Variants in MMP16 observed in about 807,000 individuals in gnomAD.
MMP16 encodes matrix metallopeptidase 16.
MMP16 carries 12 observed loss-of-function variants against 67.8 expected under a neutral mutation model. That is an observed-to-expected ratio of 0.18 (90% CI 0.11 to 0.29). The LOEUF (loss-of-function observed/expected upper bound fraction) is 0.29. Among genes scored for constraint, MMP16 ranks in the 10% least tolerant of loss-of-function variants. MMP16 has a pLI of 1.00. For missense variants in MMP16, 475 were observed against 765.7 expected, an observed-to-expected ratio of 0.62 and a Z score of 4.48; for synonymous variants, 249 against 255.9, an observed-to-expected ratio of 0.97 and a Z score of 0.26.
intron 1 of MMP16, among the ~76,000 whole-genome samples, chr8:88,262,108 C>T (rs981804804): frequency 6.6e-6 from 1 of 152,090 alleles, no homozygotes; most frequent in South Asian, 2.1e-4. Flanking sequence ...GATATTTGAA[C>T]CTTAGTCAAT....
intron 1 of MMP16, among the ~76,000 whole-genome samples, chr8:88,314,669 G>A (rs1340360795): frequency 6.6e-6 from 1 of 152,148 alleles, no homozygotes; most frequent in African/African-American, 2.4e-5. Context: ...TATCCAGTCT[G>A]GCTGAAGGGA....
At chr8:88,286,176 C>T (rs919339484) in intron 1 of MMP16, among the ~76,000 whole-genome samples, 5 of 152,172 alleles carry the variant, frequency 3.3e-5, no homozygotes, top group Admixed American at 6.5e-5. Flanking sequence ...TGCACTACAT[C>T]GTCTATTTTC....
chr8:88,256,798 A>G (rs1810309900), intron 1 of MMP16, among the ~76,000 whole-genome samples: 1 of 152,038 alleles, frequency 6.6e-6, no homozygotes, highest in Admixed American at 6.6e-5. Flanking sequence ...ACAAATGTCC[A>G]CATTTTATGA....
chr8:88,049,008 G>A (rs1586122426), intron 8 of MMP16, among the ~76,000 whole-genome samples: 2 of 152,056 alleles, frequency 1.3e-5, no homozygotes, highest in Non-Finnish European at 2.9e-5. Flanking sequence ...CATCTTCAAC[G>A]TGCACATAGA....
chr8:88,123,528 G>C (rs1807876529), intron 4 of MMP16, among the ~76,000 whole-genome samples: 1 of 151,886 alleles, frequency 6.6e-6, no homozygotes, highest in South Asian at 2.1e-4. Context: ...TCCTGCCAGA[G>C]AACCAGAGAA....
intron 6 of MMP16, among the ~76,000 whole-genome samples, chr8:88,094,596 A>C (rs1179492678): frequency 6.6e-6 from 1 of 151,526 alleles, no homozygotes; most frequent in Admixed American, 6.6e-5. Flanking sequence ...TTATATTTAT[A>C]GTTTATAAAA....
At position 88,034,238 on chromosome 8, in the gene MMP16, T is replaced by TA. The variant is rs34562051; in HGVS notation, c.*7222dup. 0.049 allele frequency: 5,791 copies of TA among 117,320 alleles called. 119 individuals carry two copies. Among genetic ancestry groups the TA allele is most frequent in the African/African-American group, 0.068 (2,231 of 32,628 alleles). The allele number at this position is 117,320 out of a possible 1,614,324, so 7.3% of individuals were successfully genotyped here. ...AAGGGAAGGGAAAACCAAATCTGTGTAAAAAAAAAAAAAAAAGGCAAGATA... is the reference window on the plus strand; with the variant it reads ...AAGGGAAGGGAAAACCAAATCTGTGTAAAAAAAAAAAAAAAAAGGCAAGATA... On this transcript the variant is annotated 3_prime_UTR_variant, in exon 10 of 10. Coordinates refer to ENST00000286614, the MANE Select transcript of MMP16 (RefSeq NM_005941.5).
chr8:88,143,960 G>A (rs1253652896), intron 4 of MMP16, among the ~76,000 whole-genome samples: 13 of 151,864 alleles, frequency 8.6e-5, no homozygotes, highest in Non-Finnish European at 1.5e-5. Context: ...TAAGAGAAAT[G>A]TACATTTCTC....
intron 1 of MMP16, among the ~76,000 whole-genome samples, chr8:88,221,005 A>G (rs1227509186): frequency 1.3e-5 from 2 of 152,146 alleles, no homozygotes; most frequent in Non-Finnish European, 2.9e-5. Flanking sequence ...CTATGTACCC[A>G]GGTGACTATC....
At position 88,058,331 on chromosome 8, in the gene MMP16, A is replaced by G. The variant is rs1213454117; in HGVS notation, c.1223-2053T>C. Among the ~76,000 whole-genome samples, 2 of 152,138 alleles carry G rather than the reference A, an allele frequency of 1.3e-5. No homozygotes were observed. The highest frequency in any genetic ancestry group is 2.9e-5 in the Non-Finnish European group (2 of 68,014). On this transcript the variant is annotated intron_variant, in intron 7 of 9. Coordinates refer to ENST00000286614, the MANE Select transcript of MMP16 (RefSeq NM_005941.5). This position sits in a 1 kb window ranked among gnomAD's most constrained non-coding sequence, Gnocchi z 4.2. The stretch of plus-strand genomic sequence containing the variant: ...TTATAAAGGGAAGAATGAAAATAAG[A>G]TGACCCATCAAGAGTCTTTGGCAAG...
rs116912383 is a variant in MMP16 at position 88,156,918 on chromosome 8, T to C, written c.709+10751A>G. Among the ~76,000 whole-genome samples, 1,193 of 152,248 alleles carry C rather than the reference T, an allele frequency of 7.8e-3. 17 individuals are homozygous for C. Among genetic ancestry groups the C allele is most frequent in the Middle Eastern group, 0.075 (22 of 294 alleles). ...AGGGCAAAATATGTATGAATTATGA[T>C]TAAGCAACTTACCAAGAGATTCAAT... On this transcript the variant is annotated intron_variant, in intron 4 of 9. Transcript: ENST00000286614.
rs1369681008 is a variant in MMP16 at position 88,034,541 on chromosome 8, A to T, written c.*6920T>A. 6.6e-6 allele frequency: 1 copy of T among 152,328 alleles called. No individual in the cohort carries two copies. Among genetic ancestry groups the T allele is most frequent in the Non-Finnish European group, 1.5e-5 (1 of 67,942 alleles). The allele number at this position is 152,328 out of a possible 1,614,324, so 9.4% of individuals were successfully genotyped here. On this transcript the variant is annotated 3_prime_UTR_variant, in exon 10 of 10. Transcript: ENST00000286614. Reference sequence around the variant, plus strand: ...AAGTAAATGCCAAAAAGACCTAAAAACCTAATTTTACTCAGGCAATGGTAT... The same window carrying T: ...AAGTAAATGCCAAAAAGACCTAAAATCCTAATTTTACTCAGGCAATGGTAT...
chr8:88,237,682 A>AACAACAAC (rs34273453), intron 1 of MMP16, among the ~76,000 whole-genome samples: 3 of 55,870 alleles, frequency 5.4e-5, no homozygotes, highest in Admixed American at 2.4e-4. Flanking sequence ...CAACAACAAC[A>AACAACAAC]AAAAACAACT....
intron 4 of MMP16, among the ~76,000 whole-genome samples, chr8:88,157,768 C>T (rs1433225860): frequency 2.6e-5 from 4 of 152,020 alleles, no homozygotes; most frequent in Non-Finnish European, 1.5e-5. Context: ...GTGTGCTGCA[C>T]CCATTAACTC....
At chr8:88,078,539 A>C (rs1808690874) in intron 6 of MMP16, among the ~76,000 whole-genome samples, 1 of 152,146 alleles carries the variant, frequency 6.6e-6, no homozygotes, top group South Asian at 2.1e-4. Context: ...TATCAGTAGA[A>C]ATTGCTGTTT....
intron 1 of MMP16, among the ~76,000 whole-genome samples, chr8:88,304,955 CT>C (rs1290310083): frequency 6.6e-6 from 1 of 152,156 alleles, no homozygotes; most frequent in Non-Finnish European, 1.5e-5. Context: ...CAATACTAAC[CT>C]TAAATGTAAA....
intron 1 of MMP16, among the ~76,000 whole-genome samples, chr8:88,307,962 C>T (rs1811236394): frequency 6.6e-6 from 1 of 151,988 alleles, no homozygotes; most frequent in African/African-American, 2.4e-5. Context: ...TGCAATAACT[C>T]CATATCTCAG....
intron 6 of MMP16, among the ~76,000 whole-genome samples, chr8:88,082,826 A>G (rs534123262): frequency 7.4e-6 from 1 of 135,360 alleles, no homozygotes; most frequent in African/African-American, 3.2e-5. Context: ...TGTTAAAAAT[A>G]AAAAAAATTA....
rs1808361449 is a variant in MMP16 at position 88,058,776 on chromosome 8, GT to G, written c.1223-2499del. 6.6e-6 allele frequency among the ~76,000 whole-genome samples: 1 copy of G among 152,096 alleles called. No individual in the cohort carries two copies. The highest frequency in any genetic ancestry group is 2.4e-5 in the African/African-American group (1 of 41,442). On this transcript the variant is annotated intron_variant, in intron 7 of 9. Transcript: ENST00000286614. This position sits in a 1 kb window ranked among gnomAD's most constrained non-coding sequence, Gnocchi z 4.2. Reference sequence around the variant, plus strand: ...GTATAATGATAGAGGTGAGGATCATGTAACCCCTGTAGGAGTTGAACTTTAT... The same window carrying G: ...GTATAATGATAGAGGTGAGGATCATGAACCCCTGTAGGAGTTGAACTTTAT...
Sources: allele counts gnomAD v4.1 joint callset (sites outside exome capture counted in the v4.1 genomes callset), GRCh38; gene constraint gnomAD v4.1.1; non-coding constraint Gnocchi (gnomAD v3.1); transcripts MANE v1.5; gene names NCBI Gene and HGNC (gene_info 2026-07-23, HGNC 2026-07-21).